ATF6: variants seen among roughly 807,000 people sequenced by gnomAD.
ATF6 encodes the protein cyclic AMP-dependent transcription factor ATF-6 alpha.
Under a neutral mutation model 83.6 loss-of-function variants are expected in ATF6, and 53 were observed. That is an observed-to-expected ratio of 0.63 (90% confidence interval 0.51 to 0.80). ATF6 has a LOEUF of 0.80. ATF6 is among the 30% of genes least tolerant of loss of function. The pLI is 0.00. For synonymous variants in ATF6, 288 were observed against 285.8 expected (o/e 1.01, Z -0.08); for missense variants, 744 against 797.9 (o/e 0.93, Z 0.81).
chr1:161,822,291 G>T (rs1037557744), intron 9 of ATF6, among the ~76,000 whole-genome samples: 5 of 152,080 alleles, frequency 3.3e-5, no homozygotes, highest in Admixed American at 6.5e-5. Context: ...CTTGGGAAAA[G>T]AAACTCACAG....
intron 14 of ATF6, among the ~76,000 whole-genome samples, chr1:161,869,319 A>G (rs1687075352): frequency 6.6e-6 from 1 of 151,918 alleles, no homozygotes; most frequent in Non-Finnish European, 1.5e-5. Flanking sequence ...ATATATAAAA[A>G]TTCAATTGTA....
chr1:161,863,158 CTT>C, intron 13 of ATF6, 38 bp from the exon 14 acceptor site: 1 of 1,271,918 alleles, frequency 7.9e-7, no homozygotes, highest in Non-Finnish European at 1.1e-6. Context: ...AAACAGGAAA[CTT>C]TTTATTTTAG....
intron 15 of ATF6, among the ~76,000 whole-genome samples, chr1:161,955,962 A>G (rs575561123): frequency 6.6e-6 from 1 of 152,238 alleles, no homozygotes; most frequent in East Asian, 1.9e-4. Flanking sequence ...TGCCATTCCA[A>G]CCATGGCTAG....
chr1:161,917,630 C>A (rs1187178139), intron 15 of ATF6, among the ~76,000 whole-genome samples: 2 of 152,162 alleles, frequency 1.3e-5, no homozygotes, highest in Non-Finnish European at 1.5e-5. Context: ...CCGTGTTAGC[C>A]AGGATGGTTT....
At chr1:161,792,073 C>A in intron 5 of ATF6, 51 bp from the exon 6 acceptor site, 1 of 1,504,590 alleles carries the variant, frequency 6.6e-7, no homozygotes, top group Non-Finnish European at 9.2e-7. Flanking sequence ...TTTTTTAGGG[C>A]TTGCGTAATT....
intron 15 of ATF6, among the ~76,000 whole-genome samples, chr1:161,925,324 T>C (rs935055987): frequency 6.6e-6 from 1 of 152,236 alleles, no homozygotes. Flanking sequence ...AGTTACATCA[T>C]ACATTGTACC....
chr1:161,778,630 T>G (rs957431834), intron 2 of ATF6, among the ~76,000 whole-genome samples: 2 of 152,204 alleles, frequency 1.3e-5, no homozygotes, highest in Non-Finnish European at 2.9e-5. Flanking sequence ...CAGGTGACTT[T>G]GGAAAAGTCA....
intron 15 of ATF6, among the ~76,000 whole-genome samples, chr1:161,954,051 G>A (rs762601146): frequency 6.6e-6 from 1 of 152,164 alleles, no homozygotes; most frequent in Non-Finnish European, 1.5e-5. Context: ...GAGCAGGAAA[G>A]GAGGGGGTTT....
intron 14 of ATF6, among the ~76,000 whole-genome samples, chr1:161,895,806 C>A (rs958349958): frequency 6.6e-6 from 1 of 152,212 alleles, no homozygotes; most frequent in Non-Finnish European, 1.5e-5. Flanking sequence ...AGAAAGCATT[C>A]ATGCCTTATA....
At chr1:161,892,420 A>G (rs547179404) in intron 14 of ATF6, among the ~76,000 whole-genome samples, 5 of 152,306 alleles carry the variant, frequency 3.3e-5, no homozygotes, top group South Asian at 2.1e-4. Context: ...ATAATCTTCT[A>G]TCATCTCAGG....
intron 4 of ATF6, among the ~76,000 whole-genome samples, chr1:161,785,194 C>T (rs1684717957): frequency 6.6e-6 from 1 of 152,214 alleles, no homozygotes; most frequent in South Asian, 2.1e-4. Context: ...TGAACAACAG[C>T]AGTGAGATTG....
chr1:161,948,296 C>A (rs1688794421), intron 15 of ATF6, among the ~76,000 whole-genome samples: 1 of 152,150 alleles, frequency 6.6e-6, no homozygotes, highest in Non-Finnish European at 1.5e-5. Flanking sequence ...TTTTCTAGAT[C>A]GGTTTCCAAT....
At chr1:161,856,499 G>T (rs1484916831) in intron 12 of ATF6, among the ~76,000 whole-genome samples, 2 of 152,162 alleles carry the variant, frequency 1.3e-5, no homozygotes, top group Admixed American at 1.3e-4. Flanking sequence ...TCTCCCTTCT[G>T]CTTTCCACAT....
intron 9 of ATF6, among the ~76,000 whole-genome samples, chr1:161,844,767 T>G (rs1428938772): frequency 6.6e-6 from 1 of 152,200 alleles, no homozygotes; most frequent in Non-Finnish European, 1.5e-5. Context: ...AATTTCTTAG[T>G]TGTCATCACA....
chr1:161,805,739 A>T (rs1685262540), intron 7 of ATF6, among the ~76,000 whole-genome samples: 1 of 152,012 alleles, frequency 6.6e-6, no homozygotes, highest in Non-Finnish European at 1.5e-5. Context: ...TAAAATGATC[A>T]AAAAAATATT....
Position 161,941,982 on chromosome 1 carries a change from G to T in ATF6, c.1805-16464G>T, listed in dbSNP as rs111269062. Among the ~76,000 whole-genome samples, 1,509 of 151,536 alleles carry T rather than the reference G, an allele frequency of 1.0e-2. 8 individuals carry two copies. The highest frequency in any genetic ancestry group is 0.017 in the South Asian group (81 of 4,782). ...CTTATCTTCTTTTTTTCGGCGGGGT[G>T]GGGGGGTTTTGTTTGTTTGTTTTTT... On this transcript the variant is annotated intron_variant, in intron 15 of 15. Transcript: ENST00000367942.
At chr1:161,884,733 C>T (rs1687385376) in intron 14 of ATF6, among the ~76,000 whole-genome samples, 2 of 152,108 alleles carry the variant, frequency 1.3e-5, no homozygotes, top group Non-Finnish European at 2.9e-5. Context: ...AACAAATACA[C>T]AGATACATAT....
At chr1:161,807,760 T>C (rs899721811) in intron 7 of ATF6, among the ~76,000 whole-genome samples, 3 of 151,968 alleles carry the variant, frequency 2.0e-5, no homozygotes, top group Admixed American at 2.0e-4. Flanking sequence ...CTTTTTTTTG[T>C]TGTTGTTTAT....
At chr1:161,865,830 T>C (rs1463905404) in intron 14 of ATF6, among the ~76,000 whole-genome samples, 1 of 152,214 alleles carries the variant, frequency 6.6e-6, no homozygotes, top group African/African-American at 2.4e-5. Context: ...TTTGTTTCAA[T>C]AGTAGGGAAA....
Sources: gnomAD v4.1 joint callset for allele counts (sites outside exome capture counted in the v4.1 genomes callset) on GRCh38, gnomAD v4.1.1 for gene constraint, MANE v1.5 for transcripts, NCBI Gene and HGNC (gene_info 2026-07-23, HGNC 2026-07-21) for gene names.